Variants in RBMS3 observed in about 807,000 individuals in gnomAD.
The protein encoded by RBMS3 is RNA binding motif single stranded interacting protein 3, also known as RNA-binding motif, single-stranded-interacting protein 3.
RBMS3 carries 27 observed loss-of-function variants against 66.8 expected under a neutral mutation model. That is an observed-to-expected ratio of 0.40 (90% CI 0.30 to 0.56). The LOEUF (loss-of-function observed/expected upper bound fraction) is 0.56, where lower values mean the gene tolerates loss of function less well. RBMS3 is among the 20% of genes least tolerant of loss of function. The pLI is 0.40. For missense variants in RBMS3, 513 were observed against 549.5 expected (o/e 0.93, Z 0.66); for synonymous variants, 188 against 183.0 (o/e 1.03, Z -0.22).
At chr3:29,955,158 T>A (rs1418994219) in intron 12 of RBMS3, among the ~76,000 whole-genome samples, 1 of 152,012 alleles carries the variant, frequency 6.6e-6, no homozygotes, top group East Asian at 1.9e-4. Context: ...AGCTGCTCAC[T>A]GGCCTCTGCT....
intron 4 of RBMS3, 22 bp downstream of exon 4, chr3:29,587,227 G>GGTTTTTTTT (rs1180487913): frequency 5.0e-6 from 1 of 200,484 alleles, no homozygotes; most frequent in African/African-American, 9.8e-5. Flanking sequence ...GTTTAGGGGT[G>GGTTTTTTTT]TTTTTTTTTT....
chr3:29,342,549 T>G (rs1235125693), intron 1 of RBMS3, among the ~76,000 whole-genome samples: 1 of 152,152 alleles, frequency 6.6e-6, no homozygotes, highest in African/African-American at 2.4e-5. Flanking sequence ...GTACAATAAA[T>G]AGCTAATTTA....
chr3:29,749,046 A>AT (rs1376498141), intron 5 of RBMS3, among the ~76,000 whole-genome samples: 1 of 152,136 alleles, frequency 6.6e-6, no homozygotes, highest in Non-Finnish European at 1.5e-5. Context: ...TATGACTTTA[A>AT]TTTTCTCAGA....
intron 1 of RBMS3, among the ~76,000 whole-genome samples, chr3:29,341,067 C>T (rs2036254423): frequency 6.6e-6 from 1 of 151,952 alleles, no homozygotes; most frequent in African/African-American, 2.4e-5. Context: ...TAGCAATAAT[C>T]CTTTTTCTTG....
At chr3:29,500,565 C>A (rs1234489494) in intron 3 of RBMS3, among the ~76,000 whole-genome samples, 2 of 151,786 alleles carry the variant, frequency 1.3e-5, no homozygotes, top group African/African-American at 4.8e-5. Flanking sequence ...TTTTACTGTA[C>A]CTTTTCTATG....
intron 3 of RBMS3, among the ~76,000 whole-genome samples, chr3:29,584,173 C>A (rs1207609934): frequency 6.6e-6 from 1 of 152,128 alleles, no homozygotes; most frequent in East Asian, 1.9e-4. Context: ...AAGCTATCTT[C>A]TTGCTCAAAC....
chr3:29,557,212 C>A (rs1386438959), intron 3 of RBMS3, among the ~76,000 whole-genome samples: 1 of 152,200 alleles, frequency 6.6e-6, no homozygotes, highest in East Asian at 1.9e-4. Context: ...GTTAATAAAT[C>A]TTTTAAGCTG....
chr3:29,566,023 ATGTG>A (rs1177154998), intron 3 of RBMS3, among the ~76,000 whole-genome samples: 3 of 152,192 alleles, frequency 2.0e-5, no homozygotes, highest in African/African-American at 7.2e-5. Flanking sequence ...GAAGTTATAT[ATGTG>A]ACCAAATGAA....
At chr3:29,511,996 C>A (rs2044431623) in intron 3 of RBMS3, among the ~76,000 whole-genome samples, 3 of 152,028 alleles carry the variant, frequency 2.0e-5, no homozygotes, top group Non-Finnish European at 1.5e-5. Context: ...CAATTAAAAT[C>A]TTATGTTATG....
intron 4 of RBMS3, among the ~76,000 whole-genome samples, chr3:29,660,527 C>T (rs149231439): frequency 9.9e-5 from 15 of 152,130 alleles, no homozygotes; most frequent in African/African-American, 2.9e-4. Context: ...GTTACTGATA[C>T]GGAGAGACTT....
intron 7 of RBMS3, among the ~76,000 whole-genome samples, chr3:29,882,748 G>A (rs567584789): frequency 6.6e-6 from 1 of 152,126 alleles, no homozygotes; most frequent in South Asian, 2.1e-4. Flanking sequence ...ATTTCAATGA[G>A]CCCAACAAGA....
chr3:29,666,108 T>C (rs2050743768), intron 4 of RBMS3, among the ~76,000 whole-genome samples: 1 of 152,200 alleles, frequency 6.6e-6, no homozygotes, highest in South Asian at 2.1e-4. Flanking sequence ...TCTGCCTGGA[T>C]GGGTATTCTC....
chr3:29,760,452 G>A (rs2055628907), intron 5 of RBMS3, among the ~76,000 whole-genome samples: 1 of 152,000 alleles, frequency 6.6e-6, no homozygotes, highest in Admixed American at 6.6e-5. Flanking sequence ...GGGCTCTGAG[G>A]CATAAACTTT....
chr3:29,343,170 C>A lies in RBMS3; in HGVS notation c.75+61414C>A, dbSNP rs183265968. ...AACAACCTAAGGAAGAGCTTCCATG[C>A]GTACACAGAGGTTATGAGTTGTGGT... On this transcript the variant is annotated intron_variant, in intron 1 of 14. Transcript: ENST00000383767. Among the ~76,000 whole-genome samples, 5 of 152,108 alleles carry A rather than the reference C, an allele frequency of 3.3e-5. 1 individual carries two copies. The highest frequency in any genetic ancestry group is 3.3e-4 in the Admixed American group (5 of 15,238).
chr3:29,692,932 G>A (rs148509284), intron 4 of RBMS3, among the ~76,000 whole-genome samples: 8 of 152,072 alleles, frequency 5.3e-5, no homozygotes, highest in Admixed American at 4.6e-4. Flanking sequence ...GTTTTGGTAC[G>A]GACAGATCCT....
chr3:29,308,320 C>A (rs867695739), intron 1 of RBMS3, among the ~76,000 whole-genome samples: 37 of 151,878 alleles, frequency 2.4e-4, no homozygotes, highest in African/African-American at 8.9e-4. Context: ...TCAGCACCTG[C>A]CATATATCAG....
In RBMS3 at chr3:29,431,182, G is replaced by T. The variant is rs2041173413; in HGVS notation, c.76-3561G>T. Reference sequence around the variant, plus strand: ...TTAATCCAAATACCAGGAAAAGAAGGTTTTATCCTGTATAATTCATTTTAA... The same window carrying T: ...TTAATCCAAATACCAGGAAAAGAAGTTTTTATCCTGTATAATTCATTTTAA... On this transcript the variant is annotated intron_variant, in intron 1 of 14. Transcript: ENST00000383767. Among the ~76,000 whole-genome samples, 3 of 151,626 alleles carry T rather than the reference G, an allele frequency of 2.0e-5. No homozygotes were observed. The South Asian group carries it at 6.2e-4, about 32-fold the overall frequency.
chr3:29,654,520 TCGTGTGTGTGTG>T (rs1330532364), intron 4 of RBMS3, among the ~76,000 whole-genome samples: 11 of 109,182 alleles, frequency 1.0e-4, no homozygotes, highest in Admixed American at 8.4e-4. Flanking sequence ...TGAATTGGAT[TCGTGTGTGTGTG>T]TGTGTGTGTG....
chr3:29,338,425 T>C (rs76308302), intron 1 of RBMS3, among the ~76,000 whole-genome samples: 6,692 of 152,222 alleles, frequency 0.044, 182 homozygotes, highest in South Asian at 0.064. Flanking sequence ...ATAGAATCTC[T>C]CCTGTAAAGG....
Sources: allele counts gnomAD v4.1 joint callset (sites outside exome capture counted in the v4.1 genomes callset), GRCh38; gene constraint gnomAD v4.1.1; transcripts MANE v1.5; gene names NCBI Gene and HGNC (gene_info 2026-07-23, HGNC 2026-07-21).